The following TBP variants were observed in gnomAD, a reference collection of about 807,000 sequenced individuals.
The protein encoded by TBP is TATA-box-binding protein.
Under a neutral mutation model 46.2 loss-of-function variants are expected in TBP, and 12 were observed. The observed-to-expected ratio is 0.26, with a 90% CI of 0.17 to 0.42. TBP has a LOEUF of 0.42. Among genes scored for constraint, TBP ranks in the 10% least tolerant of loss-of-function variants. TBP has a pLI of 1.00. For synonymous variants in TBP, 157 were observed against 148.3 expected (o/e 1.06, Z -0.42); for missense variants, 229 against 403.1 (o/e 0.57, Z 3.70).
At chr6:170,560,018 C>T (rs181430564) in intron 2 of TBP, among the ~76,000 whole-genome samples, 16 of 152,326 alleles carry the variant, frequency 1.1e-4, no homozygotes. Flanking sequence ...ATATTTTAAG[C>T]TCTTTGAGAT....
intron 3 of TBP, among the ~76,000 whole-genome samples, chr6:170,562,519 G>C (rs1367779528): frequency 1.3e-5 from 2 of 151,994 alleles, no homozygotes; most frequent in Admixed American, 6.5e-5. Context: ...TTATATTATA[G>C]ACATTTCCCT....
In TBP at chr6:170,571,484, C is replaced by G; in HGVS notation, c.920C>G (p.Ser307Cys). The G allele has an allele frequency of 6.2e-7, 1 of 1,613,278 alleles. No homozygotes were observed. Among genetic ancestry groups the G allele is most frequent in the Non-Finnish European group, 8.5e-7 (1 of 1,179,378 alleles). ...KPRIVLLIFV[S>C]GKVVLTGAKV... ...AGAATTGTTCTCCTTATTTTTGTTT[C>G]TGGAAAAGTTGTATTAACAGGTAAG... Residue 307 changes from serine to cysteine, a missense_variant, in exon 7 of 8, where the codon TCT becomes TGT. By Grantham distance (112) the Ser-to-Cys change is moderately radical. Around this residue, in one of 4 missense-constraint regions of TBP, gnomAD observed 44 missense variants for 54.1 expected, o/e 0.81. Transcript: ENST00000392092.
At chr6:170,565,763 G>T (rs1486715000) in intron 4 of TBP, among the ~76,000 whole-genome samples, 2 of 152,118 alleles carry the variant, frequency 1.3e-5, no homozygotes, top group African/African-American at 4.8e-5. Flanking sequence ...GGAAGACATA[G>T]AGCAGGTTTT....
intron 2 of TBP, among the ~76,000 whole-genome samples, chr6:170,561,181 A>G (rs559455163): frequency 1.3e-5 from 2 of 152,354 alleles, no homozygotes; most frequent in Admixed American, 1.3e-4. Flanking sequence ...TTTAGCAATA[A>G]AGCATTTTTA....
At chr6:170,571,327 T>C in intron 6 of TBP, 83 bp from the exon 7 acceptor site, 2 of 891,184 alleles carry the variant, frequency 2.2e-6, no homozygotes, top group South Asian at 1.5e-5. Context: ...GTTTATTCAG[T>C]ATTTTTCCTT....
At position 170,562,001 on chromosome 6, in the gene TBP, CA is replaced by C. The variant is rs1779156063; in HGVS notation, c.266del (p.Gln89ArgfsTer55). 1 of 1,605,634 alleles carries C rather than the reference CA, an allele frequency of 6.2e-7. No individual in the cohort carries two copies. The highest frequency in any genetic ancestry group is 8.5e-7 in the Non-Finnish European group (1 of 1,175,182). On this transcript the variant is annotated frameshift_variant, in exon 3 of 8. Coordinates refer to ENST00000392092, the MANE Select transcript of TBP (RefSeq NM_003194.5). LOFTEE classifies it high-confidence loss of function. The stretch of plus-strand genomic sequence containing the variant: ...GCAGCAGCAGCAGCAGCAGCAGCAG[CA>C]GCAGCAGCAGCAGCAACAGGCAGTG... ...QQQQQQQQQQ[Q>X]QQQQQQAVAA...
chr6:170,557,545 G>A (rs1327360498), intron 2 of TBP, among the ~76,000 whole-genome samples: 1 of 152,016 alleles, frequency 6.6e-6, no homozygotes, highest in Non-Finnish European at 1.5e-5. Flanking sequence ...GACCAGCCTG[G>A]CCAACGTGGT....
At chr6:170,568,236 A>G (rs1485532563) in intron 5 of TBP, among the ~76,000 whole-genome samples, 2 of 152,206 alleles carry the variant, frequency 1.3e-5, no homozygotes, top group Admixed American at 6.5e-5. Context: ...TGGTTTATCA[A>G]GGCAAGCTTT....
intron 1 of TBP, among the ~76,000 whole-genome samples, chr6:170,554,959 T>C (rs953405381): frequency 1.3e-5 from 2 of 152,208 alleles, no homozygotes; most frequent in African/African-American, 2.4e-5. Context: ...GTCTCTCGGT[T>C]CAGGCCATCA....
intron 3 of TBP, among the ~76,000 whole-genome samples, chr6:170,564,054 C>T (rs1028834553): frequency 3.3e-5 from 5 of 151,718 alleles, no homozygotes; most frequent in Non-Finnish European, 5.9e-5. Context: ...GCTAAAGACA[C>T]TTAGCTCTTG....
intron 6 of TBP, among the ~76,000 whole-genome samples, chr6:170,570,991 T>G (rs1779356654): frequency 1.3e-5 from 2 of 152,218 alleles, no homozygotes; most frequent in Admixed American, 1.3e-4. Context: ...TGATTAAAAG[T>G]TAAACTGTCA....
At chr6:170,559,806 G>A (rs1779108153) in intron 2 of TBP, among the ~76,000 whole-genome samples, 1 of 152,218 alleles carries the variant, frequency 6.6e-6, no homozygotes, top group Admixed American at 6.5e-5. Context: ...GGAGAAATCA[G>A]TGCCTAGCCT....
chr6:170,568,516 A>G (rs1016224985), intron 5 of TBP, among the ~76,000 whole-genome samples: 6 of 152,138 alleles, frequency 3.9e-5, no homozygotes, highest in Non-Finnish European at 7.4e-5. Context: ...GTGCAGTGGC[A>G]TGATCTCGGC....
At chr6:170,560,886 A>G (rs1779127142) in intron 2 of TBP, among the ~76,000 whole-genome samples, 1 of 152,224 alleles carries the variant, frequency 6.6e-6, no homozygotes, top group Non-Finnish European at 1.5e-5. Flanking sequence ...ACTTTAGAAT[A>G]TTACATAAAC....
intron 3 of TBP, among the ~76,000 whole-genome samples, chr6:170,563,442 TATATA>T (rs1308482426): frequency 6.6e-6 from 1 of 152,132 alleles, no homozygotes; most frequent in Non-Finnish European, 1.5e-5. Context: ...TTAATGAAAA[TATATA>T]AGAATACATT....
rs573400054 is a variant in TBP at position 170,557,286 on chromosome 6, T to C, written c.54+203T>C. On this transcript the variant is annotated intron_variant, in intron 2 of 7. Coordinates refer to ENST00000392092, the MANE Select transcript of TBP (RefSeq NM_003194.5). Reference sequence around the variant, plus strand: ...TGGGAAGTCTGGAAGCTAAGTTATATATTTATGAAACACCTAATCTTTTGA... The same window carrying C: ...TGGGAAGTCTGGAAGCTAAGTTATACATTTATGAAACACCTAATCTTTTGA... Among the ~76,000 whole-genome samples, 88 of 152,184 alleles carry C rather than the reference T, an allele frequency of 5.8e-4. 1 individual carries two copies. Among genetic ancestry groups the C allele is most frequent in the Non-Finnish European group, 4.4e-5 (3 of 68,018 alleles).
chr6:170,571,272 C>A (rs1467588810), intron 6 of TBP, 138 bp from the exon 7 acceptor site: 2 of 642,762 alleles, frequency 3.1e-6, no homozygotes, highest in Non-Finnish European at 5.4e-6. Flanking sequence ...CTATTCTATC[C>A]TTTGATGCTG....
chr6:170,556,934 G>A lies in TBP; in HGVS notation c.-96G>A. 8.8e-7 allele frequency: 1 copy of A among 1,133,284 alleles called. No homozygotes were observed. Among genetic ancestry groups the A allele is most frequent in the Non-Finnish European group, 1.3e-6 (1 of 755,958 alleles). The allele number at this position is 1,133,284 out of a possible 1,614,324, so 70.2% of individuals were successfully genotyped here. A position where few individuals can be genotyped will look rare whatever the true frequency, so the allele number is the denominator to read the frequency against. On this transcript the variant is annotated 5_prime_UTR_variant, in exon 2 of 8. Transcript: ENST00000392092. Reference sequence around the variant, plus strand: ...AACCCAAGGAATTGAGGAAGTTGCTGAGAAGAGTGTGCTGGAGATGCTCTA... The same window carrying A: ...AACCCAAGGAATTGAGGAAGTTGCTAAGAAGAGTGTGCTGGAGATGCTCTA...
chr6:170,556,340 A>C (rs189718037), intron 1 of TBP, among the ~76,000 whole-genome samples: 1 of 147,984 alleles, frequency 6.8e-6, no homozygotes, highest in South Asian at 2.1e-4. Context: ...ATTTATAAAA[A>C]TTCAGGGCTT....
Sources: gnomAD v4.1 joint callset for allele counts (sites outside exome capture counted in the v4.1 genomes callset) on GRCh38, gnomAD v4.1.1 for gene constraint, gnomAD v4.1.1 regional missense constraint, MANE v1.5 for transcripts, NCBI Gene and HGNC (gene_info 2026-07-23, HGNC 2026-07-21) for gene names.